SOX5: variants seen among roughly 807,000 people sequenced by gnomAD.
SOX5 encodes transcription factor SOX-5.
SOX5 carries 9 observed loss-of-function variants against 92.0 expected under a neutral mutation model. The observed-to-expected ratio is 0.10, with a 90% confidence interval of 0.06 to 0.17. The LOEUF is 0.17. Ranked by LOEUF, SOX5 falls within the 10% of genes least tolerant of loss-of-function variation. The pLI, the probability that SOX5 is intolerant of heterozygous loss-of-function variation, is 1.00. For missense variants in SOX5, 642 were observed against 944.5 expected (o/e 0.68, Z 4.20); for synonymous variants, 344 against 336.3 (o/e 1.02, Z -0.25).
chr12:23,943,386 G>GA (rs1014228627), intron 1 of SOX5, among the ~76,000 whole-genome samples: 1 of 151,938 alleles, frequency 6.6e-6, no homozygotes, highest in Non-Finnish European at 1.5e-5. Flanking sequence ...AAGGCATTAA[G>GA]AAAAAACGTC....
intron 2 of SOX5, among the ~76,000 whole-genome samples, chr12:24,282,754 G>A (rs1945368955): frequency 6.6e-6 from 1 of 152,156 alleles, no homozygotes; most frequent in African/African-American, 2.4e-5. Flanking sequence ...TGAGGCGCAG[G>A]GAGGTTAAGT....
At chr12:24,303,426 C>T (rs1329971826) in intron 2 of SOX5, among the ~76,000 whole-genome samples, 1 of 151,954 alleles carries the variant, frequency 6.6e-6, no homozygotes, top group Non-Finnish European at 1.5e-5. Context: ...CATATTTGGC[C>T]CTTGATGAGA....
At chr12:24,045,721 A>T (rs7962638) in intron 4 of SOX5, among the ~76,000 whole-genome samples, 1 of 152,078 alleles carries the variant, frequency 6.6e-6, no homozygotes, top group Non-Finnish European at 1.5e-5. Context: ...ATTATGCAGA[A>T]ACCAGTATGT....
At chr12:23,642,407 CTAA>C (rs1167415907) in intron 7 of SOX5, among the ~76,000 whole-genome samples, 1 of 152,098 alleles carries the variant, frequency 6.6e-6, no homozygotes, top group East Asian at 1.9e-4. Context: ...CAAACCTAGT[CTAA>C]TATGTTAAAG....
chr12:23,578,053 G>A (rs144124892), intron 9 of SOX5, among the ~76,000 whole-genome samples: 1,579 of 138,314 alleles, frequency 0.011, 33 homozygotes, highest in African/African-American at 0.04. Context: ...CCCGGGAGGC[G>A]GAGGCTGCAG....
At chr12:24,074,888 G>T (rs77862993) in intron 4 of SOX5, among the ~76,000 whole-genome samples, 7 of 145,144 alleles carry the variant, frequency 4.8e-5, no homozygotes, top group African/African-American at 1.2e-4. Flanking sequence ...TTGTTTTTTT[G>T]TTTGTTTGTT....
intron 8 of SOX5, among the ~76,000 whole-genome samples, chr12:23,615,377 A>G (rs1420860470): frequency 6.6e-6 from 1 of 152,166 alleles, no homozygotes; most frequent in African/African-American, 2.4e-5. Context: ...GTCCAGGGGT[A>G]CATGTGCAGG....
At chr12:23,978,828 A>G (rs939477197) in intron 4 of SOX5, among the ~76,000 whole-genome samples, 3 of 152,178 alleles carry the variant, frequency 2.0e-5, no homozygotes, top group African/African-American at 4.8e-5. Context: ...CAAATACTCT[A>G]TTAAATGATT....
chr12:23,635,522 G>A (rs112471731), intron 8 of SOX5, among the ~76,000 whole-genome samples: 44 of 152,112 alleles, frequency 2.9e-4, no homozygotes, highest in African/African-American at 7.5e-4. Context: ...GGGGCCTGTC[G>A]TGGGGTGGGA....
At chr12:24,372,963 A>C (rs1250545967) in intron 1 of SOX5, among the ~76,000 whole-genome samples, 11 of 151,726 alleles carry the variant, frequency 7.2e-5, no homozygotes, top group African/African-American at 2.4e-4. Flanking sequence ...AAAAAAAAAA[A>C]AAAAAACTGC....
chr12:23,613,212 C>T (rs866477998), intron 8 of SOX5, among the ~76,000 whole-genome samples: 3 of 152,028 alleles, frequency 2.0e-5, no homozygotes, highest in African/African-American at 7.2e-5. Context: ...AGTCAATGAA[C>T]TGCCTAATTA....
At chr12:24,467,190 C>A (rs1231835093) in intron 1 of SOX5, among the ~76,000 whole-genome samples, 2 of 152,324 alleles carry the variant, frequency 1.3e-5, no homozygotes, top group Non-Finnish European at 2.9e-5. Flanking sequence ...CCATCAGATA[C>A]TTCCATTCAT....
chr12:23,562,838 TC>T (rs1328362690), intron 11 of SOX5, among the ~76,000 whole-genome samples: 3 of 152,166 alleles, frequency 2.0e-5, no homozygotes, highest in Non-Finnish European at 4.4e-5. Context: ...TATGACAAGC[TC>T]AGGATCCTAA....
chr12:24,038,824 A>G (rs1304662678), intron 4 of SOX5, among the ~76,000 whole-genome samples: 1 of 152,140 alleles, frequency 6.6e-6, no homozygotes, highest in Admixed American at 6.6e-5. Context: ...TACTTTCATC[A>G]ATATTTACAA....
chr12:24,485,368 T>C (rs1946412744), intron 1 of SOX5, among the ~76,000 whole-genome samples: 1 of 152,168 alleles, frequency 6.6e-6, no homozygotes, highest in Admixed American at 6.5e-5. Flanking sequence ...CAGATTAGGA[T>C]ATGAGTAGCT....
At chr12:23,619,093 T>C (rs542620140) in intron 8 of SOX5, among the ~76,000 whole-genome samples, 3 of 152,170 alleles carry the variant, frequency 2.0e-5, no homozygotes, top group Non-Finnish European at 2.9e-5. Context: ...ACAACACATA[T>C]GAGAGGTTTT....
intron 2 of SOX5, among the ~76,000 whole-genome samples, chr12:23,851,438 TA>T (rs2096632627): frequency 6.6e-6 from 1 of 152,082 alleles, no homozygotes; most frequent in Non-Finnish European, 1.5e-5. Context: ...AAACCAAGTT[TA>T]AAAAACTCGA....
intron 3 of SOX5, among the ~76,000 whole-genome samples, chr12:23,765,327 G>T (rs569788503): frequency 8.7e-6 from 1 of 114,966 alleles, no homozygotes; most frequent in Admixed American, 1.3e-4. Flanking sequence ...AATCAACAAG[G>T]AAACCTGCAG....
At chr12:24,491,509 A>C (rs968993590) in intron 1 of SOX5, among the ~76,000 whole-genome samples, 1 of 152,194 alleles carries the variant, frequency 6.6e-6, no homozygotes, top group African/African-American at 2.4e-5. Flanking sequence ...TAAATTATGG[A>C]TTTCAAATGT....
Sources: allele counts gnomAD v4.1 joint callset (sites outside exome capture counted in the v4.1 genomes callset), GRCh38; gene constraint gnomAD v4.1.1; transcripts MANE v1.5; gene names NCBI Gene and HGNC (gene_info 2026-07-23, HGNC 2026-07-21).